The following SP4 variants were observed in gnomAD, a reference collection of about 807,000 sequenced individuals.
The protein encoded by SP4 is Sp4 transcription factor.
Under a neutral mutation model 72.8 loss-of-function variants are expected in SP4, and 19 were observed. The ratio of observed to expected loss-of-function variants is 0.26; its 90% CI spans 0.18 to 0.38. The LOEUF (loss-of-function observed/expected upper bound fraction) is 0.38. Among genes scored for constraint, SP4 ranks in the 10% least tolerant of loss-of-function variants. The pLI is 1.00. For synonymous variants in SP4, 395 were observed against 333.1 expected, an observed-to-expected ratio of 1.19 and a Z score of -2.02; for missense variants, 1,008 against 926.3, an observed-to-expected ratio of 1.09 and a Z score of -1.14.
rs1782813719 is a variant in SP4 at position 21,430,693 on chromosome 7, A to T, written c.1528A>T (p.Ile510Phe). 1 of 1,614,204 alleles carries T rather than the reference A, an allele frequency of 6.2e-7. No individual in the cohort carries two copies. Among genetic ancestry groups the T allele is most frequent in the East Asian group, 2.2e-5 (1 of 44,884 alleles). ...AAGTGGTGGCACAACTCTTGCTCAG[A>T]TTGCTCCTGTGGCTGTTGCTGGTGC... ...SSSGGTTLAQ[I>F]APVAVAGAPI... The change falls in exon 3 of 6, where the codon ATT becomes TTT. Residue 510 changes from isoleucine to phenylalanine, a missense_variant. Physicochemically the swap from Ile to Phe is conservative, Grantham distance 21. Coordinates refer to ENST00000222584, the MANE Select transcript of SP4 (RefSeq NM_003112.5).
At chr7:21,505,114 G>A (rs904609431) in intron 5 of SP4, among the ~76,000 whole-genome samples, 3 of 152,178 alleles carry the variant, frequency 2.0e-5, no homozygotes, top group Admixed American at 2.0e-4. Context: ...TTGATATATA[G>A]AGTCTTTGTC....
chr7:21,512,808 C>A lies in SP4; in HGVS notation c.*1539C>A, dbSNP rs1782183000. ...AAACTCCTGACCTCAGGTGATCTGCCCACCTCGGCCTCCCAGAGTGCTGGG... is the reference window on the plus strand; with the variant it reads ...AAACTCCTGACCTCAGGTGATCTGCACACCTCGGCCTCCCAGAGTGCTGGG... On this transcript the variant is annotated 3_prime_UTR_variant, in exon 6 of 6. Coordinates refer to ENST00000222584, the MANE Select transcript of SP4 (RefSeq NM_003112.5). The A allele has an allele frequency of 1.3e-5, 2 of 152,544 alleles. No individual in the cohort carries two copies. The highest frequency in any genetic ancestry group is 2.9e-5 in the Non-Finnish European group (2 of 68,008). 9.4% of individuals were successfully genotyped at this position (152,544 alleles called of 1,614,324 possible). A position where few individuals can be genotyped will look rare whatever the true frequency, so the allele number is the denominator to read the frequency against.
intron 5 of SP4, among the ~76,000 whole-genome samples, chr7:21,489,927 A>G (rs1019074012): frequency 6.6e-6 from 1 of 152,162 alleles, no homozygotes; most frequent in Admixed American, 6.5e-5. Context: ...CTGGGATTAT[A>G]GGTGTGAGCC....
intron 5 of SP4, among the ~76,000 whole-genome samples, chr7:21,500,439 C>T (rs1427638666): frequency 6.6e-6 from 1 of 152,204 alleles, no homozygotes; most frequent in South Asian, 2.1e-4. Flanking sequence ...GTCAGGAGTT[C>T]AAGGGGCCTC....
At chr7:21,500,206 ATGAAATT>A (rs1781829833) in intron 5 of SP4, among the ~76,000 whole-genome samples, 1 of 152,216 alleles carries the variant, frequency 6.6e-6, no homozygotes, top group African/African-American at 2.4e-5. Flanking sequence ...TCATGAAGAA[ATGAAATT>A]TGAAATTTGT....
At chr7:21,475,315 C>T (rs1035884222) in intron 3 of SP4, among the ~76,000 whole-genome samples, 5 of 151,890 alleles carry the variant, frequency 3.3e-5, no homozygotes, top group Non-Finnish European at 5.9e-5. Flanking sequence ...GGGGTTTCAC[C>T]GTGTTAGCTA....
chr7:21,430,460 C>T lies in SP4; in HGVS notation c.1295C>T (p.Thr432Met). 2.5e-6 allele frequency: 4 copies of T among 1,614,158 alleles called. No homozygotes were observed. Among genetic ancestry groups the T allele is most frequent in the Non-Finnish European group, 2.5e-6 (3 of 1,180,016 alleles). The change falls in exon 3 of 6, where the codon ACG becomes ATG. Residue 432 changes from threonine (T) to methionine (M), a missense_variant. Thr to Met is a moderately conservative substitution (Grantham distance 81). Coordinates refer to ENST00000222584, the MANE Select transcript of SP4 (RefSeq NM_003112.5). Reference sequence around the variant, plus strand: ...TCGTTTCAACTCCAGTCAGGGCAGACGATTCAGACCATCCAGCAGCAGCCT... The same window carrying T: ...TCGTTTCAACTCCAGTCAGGGCAGATGATTCAGACCATCCAGCAGCAGCCT... Reference protein sequence around the residue: ...PQSFQLQSGQTIQTIQQQPLQ... With the variant: ...PQSFQLQSGQMIQTIQQQPLQ...
At chr7:21,472,340 A>C (rs1784371626) in intron 3 of SP4, among the ~76,000 whole-genome samples, 1 of 152,110 alleles carries the variant, frequency 6.6e-6, no homozygotes, top group African/African-American at 2.4e-5. Flanking sequence ...GTTGAAGTAC[A>C]GTGGTGCCAT....
chr7:21,482,143 T>G lies in SP4; in HGVS notation c.2107+20T>G. ...ATACAGGTTAGTTGATTTTAGGACT[T>G]GTACTTTTTACTTATTTCTTCAGTT... is the stretch of plus-strand genomic sequence containing the variant. On this transcript the variant is annotated intron_variant, in intron 5 of 5. Coordinates refer to ENST00000222584, the MANE Select transcript of SP4 (RefSeq NM_003112.5). 6.3e-7 allele frequency: 1 copy of G among 1,578,448 alleles called. No individual in the cohort carries two copies.
At chr7:21,460,563 C>T (rs1054136084) in intron 3 of SP4, among the ~76,000 whole-genome samples, 2 of 152,302 alleles carry the variant, frequency 1.3e-5, no homozygotes, top group South Asian at 4.1e-4. Context: ...GAGCGGGTTG[C>T]CACTGCTGGC....
In SP4 at chr7:21,504,433, A is replaced by G. The variant is rs772667834; in HGVS notation, c.2108-6589A>G. The stretch of plus-strand genomic sequence containing the variant: ...ATTTACAGATTTGGGCTGACCAGCC[A>G]TTAGGTAATCTACCTTTCTCACATA... On this transcript the variant is annotated intron_variant, in intron 5 of 5. Transcript: ENST00000222584. Among the ~76,000 whole-genome samples, 39 of 152,224 alleles carry G rather than the reference A, an allele frequency of 2.6e-4. 1 individual carries two copies. The highest frequency in any genetic ancestry group is 4.7e-4 in the Non-Finnish European group (32 of 68,042).
chr7:21,430,791 T>G lies in SP4; in HGVS notation c.1626T>G (p.Gly542=). The stretch of plus-strand genomic sequence containing the variant: ...AGACAGTGAGCGTTGCCAACCTGGG[T>G]GCTGCAGGTGTTCAAGTGCAGGGAG... ...NLQTVSVANL[G]AAGVQVQGVP... is the part of the protein sequence containing the mutation. Residue 542 remains glycine (G), a synonymous_variant, in exon 3 of 6, where the codon GGT becomes GGG. Transcript: ENST00000222584. 1 of 1,614,122 alleles carries G rather than the reference T, an allele frequency of 6.2e-7. No individual in the cohort carries two copies. The highest frequency in any genetic ancestry group is 1.1e-5 in the South Asian group (1 of 91,080).
In SP4 at chr7:21,428,176, T is replaced by TCCAGCCC; in HGVS notation, c.-74_-73insAGCCCCC. ...ACCGCGGGCGGGCGGGACCGGCCTC[T>TCCAGCCC]CCTCCCGCCTCGCCCCCACCCCCAC... On this transcript the variant is annotated 5_prime_UTR_variant, in exon 1 of 6. Coordinates refer to ENST00000222584, the MANE Select transcript of SP4 (RefSeq NM_003112.5). 1 of 718,774 alleles carries TCCAGCCC rather than the reference T, an allele frequency of 1.4e-6. No individual in the cohort carries two copies. 44.5% of individuals were successfully genotyped at this position (718,774 alleles called of 1,614,324 possible).
chr7:21,479,983 T>C, intron 4 of SP4, among the ~76,000 whole-genome samples: 1 of 80,476 alleles, frequency 1.2e-5, no homozygotes, highest in South Asian at 4.3e-4. Context: ...GTTATAACAG[T>C]TTTTTTGTTT....
chr7:21,428,303 T>C (rs1562577029), intron 1 of SP4, 45 bp downstream of exon 1: 11 of 1,056,058 alleles, frequency 1.0e-5, no homozygotes, highest in Admixed American at 6.0e-5. Flanking sequence ...CGCCTCCCTC[T>C]CTCCCTCCCT....
intron 5 of SP4, among the ~76,000 whole-genome samples, chr7:21,508,579 A>C (rs1782067329): frequency 6.6e-6 from 1 of 152,042 alleles, no homozygotes; most frequent in Non-Finnish European, 1.5e-5. Flanking sequence ...CACCCACCTC[A>C]GCCTCCTAAA....
At position 21,430,740 on chromosome 7, in the gene SP4, C is replaced by T. The variant is rs770942144; in HGVS notation, c.1575C>T (p.Ala525=). 1.2e-6 allele frequency: 2 copies of T among 1,614,222 alleles called. No homozygotes were observed. Among genetic ancestry groups the T allele is most frequent in the East Asian group, 2.2e-5 (1 of 44,882 alleles). The part of the protein sequence containing the change: ...VAGAPITLNT[A]QLASVPNLQT... ...GTGCCCCAATAACTTTGAATACTGC[C>T]CAGCTTGCATCAGTGCCTAACCTTC... The change falls in exon 3 of 6, where the codon GCC becomes GCT. Residue 525 remains alanine (A), a synonymous_variant. Coordinates refer to ENST00000222584, the MANE Select transcript of SP4 (RefSeq NM_003112.5).
chr7:21,432,715 TG>T (rs1417323527), intron 3 of SP4, among the ~76,000 whole-genome samples: 2 of 152,174 alleles, frequency 1.3e-5, no homozygotes, highest in Non-Finnish European at 2.9e-5. Flanking sequence ...CTGAAGTGGC[TG>T]GGTGTGGTGG....
At chr7:21,450,443 T>G (rs137872241) in intron 3 of SP4, among the ~76,000 whole-genome samples, 1 of 152,172 alleles carries the variant, frequency 6.6e-6, no homozygotes, top group South Asian at 2.1e-4. Flanking sequence ...GTTTCTGTTA[T>G]ATTCTCTTTC....
Sources: gnomAD v4.1 joint callset for allele counts (sites outside exome capture counted in the v4.1 genomes callset) on GRCh38, gnomAD v4.1.1 for gene constraint, MANE v1.5 for transcripts, NCBI Gene and HGNC (gene_info 2026-07-23, HGNC 2026-07-21) for gene names.